The following GAK variants were observed in gnomAD, a reference collection of about 807,000 sequenced individuals.
GAK encodes the protein cyclin-G-associated kinase.
Under a neutral mutation model 143.9 loss-of-function variants are expected in GAK, and 79 were observed. The ratio of observed to expected loss-of-function variants is 0.55; its 90% confidence interval spans 0.46 to 0.66. The LOEUF is 0.66. GAK is among the 30% of genes least tolerant of loss of function. The pLI is 0.00. For synonymous variants in GAK, 881 were observed against 765.5 expected, an observed-to-expected ratio of 1.15 and a Z score of -2.49; for missense variants, 1,693 against 1,779.7, an observed-to-expected ratio of 0.95 and a Z score of 0.88.
intron 15 of GAK, among the ~76,000 whole-genome samples, chr4:878,081 G>A (rs759541242): frequency 3.3e-5 from 5 of 152,088 alleles, no homozygotes; most frequent in Non-Finnish European, 7.4e-5. Flanking sequence ...TTTTACTCAT[G>A]GGTTATTTAG....
chr4:879,083 G>A (rs1178675730), intron 15 of GAK, among the ~76,000 whole-genome samples: 2 of 152,254 alleles, frequency 1.3e-5, no homozygotes, highest in African/African-American at 4.8e-5. Flanking sequence ...CACCTTGAAC[G>A]GAGGAGAGGG....
At chr4:906,054 T>C (rs1233929413) in intron 4 of GAK, among the ~76,000 whole-genome samples, 1 of 152,142 alleles carries the variant, frequency 6.6e-6, no homozygotes, top group Non-Finnish European at 1.5e-5. Context: ...GCCGTTAACG[T>C]GAGAACCACA....
intron 10 of GAK, 81 bp from the exon 11 acceptor site, chr4:889,051 C>G: frequency 6.9e-7 from 1 of 1,458,944 alleles, no homozygotes; most frequent in Non-Finnish European, 9.1e-7. Flanking sequence ...GGGCCCAGGC[C>G]CCAGGCGCTC....
intron 5 of GAK, among the ~76,000 whole-genome samples, chr4:902,903 G>C (rs1720208057): frequency 6.6e-6 from 1 of 152,050 alleles, no homozygotes; most frequent in Admixed American, 6.5e-5. Context: ...TGAAGAGCAA[G>C]ACCCGAATGA....
At position 865,256 on chromosome 4, in the gene GAK, G is replaced by A; in HGVS notation, c.3044-12C>T. 3 of 1,613,004 alleles carry A rather than the reference G, an allele frequency of 1.9e-6. No homozygotes were observed. The highest frequency in any genetic ancestry group is 1.3e-5 in the African/African-American group (1 of 74,994). On this transcript the variant is annotated splice_polypyrimidine_tract_variant and intron_variant, in intron 22 of 27. Transcript: ENST00000314167. ...TCCTGGCAGATCCCCTGGGAAGAAG[G>A]AACCAGAAGAGAGCACAGTTTGGTG...
At chr4:897,796 A>C (rs937825028) in intron 6 of GAK, among the ~76,000 whole-genome samples, 2 of 152,192 alleles carry the variant, frequency 1.3e-5, no homozygotes, top group Non-Finnish European at 2.9e-5. Context: ...CAAAAACACA[A>C]AAATTAGCTG....
At chr4:912,905 T>C (rs1722291701) in intron 2 of GAK, 111 bp from the exon 3 acceptor site, 5 of 806,154 alleles carry the variant, frequency 6.2e-6, no homozygotes, top group Non-Finnish European at 9.8e-6. Context: ...ATGTGTCTAA[T>C]ACAGCTCCCC....
At chr4:850,534 C>G (rs142044128) in intron 26 of GAK, 4 of 191,408 alleles carry the variant, frequency 2.1e-5, no homozygotes, top group Non-Finnish European at 4.3e-5. Context: ...CCTCACCCCC[C>G]AGTGAGCGTC....
At chr4:885,171 G>C (rs186260806) in intron 11 of GAK, among the ~76,000 whole-genome samples, 6 of 152,150 alleles carry the variant, frequency 3.9e-5, no homozygotes, top group Non-Finnish European at 7.3e-5. Context: ...AAAGCAACAA[G>C]GGAAGACGGG....
intron 9 of GAK, among the ~76,000 whole-genome samples, chr4:891,629 TTCTGCCCA>T (rs1398706727): frequency 6.6e-6 from 1 of 151,976 alleles, no homozygotes; most frequent in Non-Finnish European, 1.5e-5. Flanking sequence ...AGGGGCCTGA[TTCTGCCCA>T]TCTGCCCAGC....
chr4:909,553 G>A (rs971281472), intron 4 of GAK, among the ~76,000 whole-genome samples: 2 of 152,102 alleles, frequency 1.3e-5, no homozygotes, highest in African/African-American at 2.4e-5. Context: ...AGACAGGGAC[G>A]GGAAGGGCCC....
intron 27 of GAK, 39 bp from the exon 28 acceptor site, chr4:849,813 T>C (rs745358697): frequency 1.3e-6 from 2 of 1,558,450 alleles, no homozygotes; most frequent in South Asian, 1.1e-5. Flanking sequence ...CTTATAAGCA[T>C]GCGGGGGCGG....
intron 10 of GAK, among the ~76,000 whole-genome samples, chr4:890,113 C>T (rs965003718): frequency 6.6e-6 from 1 of 152,236 alleles, no homozygotes; most frequent in Non-Finnish European, 1.5e-5. Flanking sequence ...CCCCTCCAGC[C>T]CCAAAAGGGG....
In GAK at chr4:866,492, G is replaced by A. The variant is rs1221166245; in HGVS notation, c.2915C>T (p.Ser972Phe). The change falls in exon 22 of 28, where the codon TCC (serine) becomes TTC (phenylalanine). Residue 972 changes from serine to phenylalanine, a missense_variant. Ser to Phe is a radical substitution (Grantham distance 155). Transcript: ENST00000314167. ...GPLLPSSGNN[S>F]QPCSNPDLFG... ...GAGATCAGGATTGGAGCAGGGCTGG[G>A]AGTTGTTGCCTGAAGACGGCAGAAG... 5 of 1,614,078 alleles carry A rather than the reference G, an allele frequency of 3.1e-6. No homozygotes were observed. The highest frequency in any genetic ancestry group is 1.3e-5 in the African/African-American group (1 of 75,060).
intron 20 of GAK, among the ~76,000 whole-genome samples, chr4:868,253 C>A (rs541576274): frequency 9.2e-5 from 14 of 152,158 alleles, no homozygotes; most frequent in Non-Finnish European, 1.8e-4. Flanking sequence ...CCAGCATGGC[C>A]CATGCTGCCA....
At chr4:884,211 G>A (rs1715777572) in intron 11 of GAK, 125 bp from the exon 12 acceptor site, 2 of 757,302 alleles carry the variant, frequency 2.6e-6, no homozygotes, top group South Asian at 1.7e-5. Flanking sequence ...CCGCATCCCA[G>A]GAGGAACGTG....
At chr4:909,012 G>A (rs1293812794) in intron 4 of GAK, among the ~76,000 whole-genome samples, 2 of 151,998 alleles carry the variant, frequency 1.3e-5, no homozygotes, top group Non-Finnish European at 2.9e-5. Flanking sequence ...GCTAATTTTT[G>A]TATTTTTACA....
At chr4:860,535 C>T (rs1750084664) in intron 23 of GAK, among the ~76,000 whole-genome samples, 1 of 152,200 alleles carries the variant, frequency 6.6e-6, no homozygotes, top group Non-Finnish European at 1.5e-5. Context: ...ACCACTCAAA[C>T]TAAGAGTCAA....
chr4:871,271 A>C (rs1560320261), intron 18 of GAK, among the ~76,000 whole-genome samples: 1 of 152,238 alleles, frequency 6.6e-6, no homozygotes, highest in Non-Finnish European at 1.5e-5. Flanking sequence ...AGACGGGACA[A>C]CATCCCACAG....
Sources: allele counts gnomAD v4.1 joint callset (sites outside exome capture counted in the v4.1 genomes callset), GRCh38; gene constraint gnomAD v4.1.1; transcripts MANE v1.5; gene names NCBI Gene and HGNC (gene_info 2026-07-23, HGNC 2026-07-21).